The following ETV1 variants were observed in gnomAD, a reference collection of about 807,000 sequenced individuals.
ETV1 encodes ETS translocation variant 1.
ETV1 carries 27 observed loss-of-function variants against 62.3 expected under a neutral mutation model. That is an observed-to-expected ratio of 0.43 (90% CI 0.32 to 0.60). ETV1 has a LOEUF of 0.60. Among genes scored for constraint, ETV1 ranks in the 20% least tolerant of loss-of-function variants. The probability of loss-of-function intolerance (pLI) is 0.06; values close to 1 mark genes in which losing one functional copy is unlikely to be tolerated. For missense variants in ETV1, 605 were observed against 605.8 expected (o/e 1.00, Z 0.01); for synonymous variants, 222 against 199.6 (o/e 1.11, Z -0.94).
At chr7:13,922,421 T>C (rs1215580043) in intron 9 of ETV1, among the ~76,000 whole-genome samples, 2 of 152,164 alleles carry the variant, frequency 1.3e-5, no homozygotes, top group Non-Finnish European at 2.9e-5. Context: ...GATAAAATAA[T>C]GTCTTCAATG....
intron 6 of ETV1, among the ~76,000 whole-genome samples, chr7:13,971,126 C>T (rs191236254): frequency 6.0e-4 from 91 of 152,190 alleles, no homozygotes; most frequent in African/African-American, 2.0e-3. Context: ...CATGCGACAC[C>T]ACACCCAGAT....
chr7:13,982,560 C>T (rs1562716704), intron 5 of ETV1, among the ~76,000 whole-genome samples: 1 of 151,830 alleles, frequency 6.6e-6, no homozygotes, highest in Non-Finnish European at 1.5e-5. Flanking sequence ...AATGGGAAGT[C>T]TTTCTCTCAT....
At chr7:13,937,187 C>T (rs1424640439) in intron 7 of ETV1, among the ~76,000 whole-genome samples, 1 of 152,194 alleles carries the variant, frequency 6.6e-6, no homozygotes, top group African/African-American at 2.4e-5. Flanking sequence ...CTGCAAAAAT[C>T]TTTTACAAGG....
intron 3 of ETV1, 194 bp downstream of exon 3, chr7:13,988,814 C>G (rs767863370): frequency 3.1e-6 from 5 of 1,604,288 alleles, no homozygotes; most frequent in African/African-American, 1.3e-5. Context: ...AAAACTATGC[C>G]TTATCCAAAT....
intron 9 of ETV1, among the ~76,000 whole-genome samples, chr7:13,920,458 G>GTC (rs1220771705): frequency 1.3e-5 from 2 of 151,936 alleles, no homozygotes; most frequent in Non-Finnish European, 2.9e-5. Context: ...GTGTGTGTGT[G>GTC]TGTGTGTGTG....
chr7:13,988,465 C>T (rs1782748946), intron 3 of ETV1: 1 of 596,194 alleles, frequency 1.7e-6, no homozygotes, highest in Non-Finnish European at 2.9e-6. Context: ...CAACCTGAAG[C>T]ATTTACACTT....
intron 6 of ETV1, among the ~76,000 whole-genome samples, chr7:13,960,546 A>C (rs1040460050): frequency 6.6e-6 from 1 of 152,136 alleles, no homozygotes; most frequent in Non-Finnish European, 1.5e-5. Context: ...TATAAAACTT[A>C]GATTTAAACC....
chr7:13,965,162 T>A (rs1224800063), intron 6 of ETV1, among the ~76,000 whole-genome samples: 4 of 152,188 alleles, frequency 2.6e-5, no homozygotes. Context: ...AAACAACGCA[T>A]AAATACACAG....
intron 9 of ETV1, among the ~76,000 whole-genome samples, chr7:13,913,877 T>A (rs1234811652): frequency 1.7e-5 from 2 of 119,798 alleles, no homozygotes; most frequent in South Asian, 3.0e-4. Context: ...TGGGGGTACC[T>A]CTTTTTTTTT....
At chr7:13,907,907 T>C (rs1783139116) in intron 11 of ETV1, 1 of 463,000 alleles carries the variant, frequency 2.2e-6, no homozygotes, top group Non-Finnish European at 4.5e-6. Flanking sequence ...AATCATTATG[T>C]TGTTTTGGTC....
At chr7:13,919,387 A>T (rs1784560005) in intron 9 of ETV1, among the ~76,000 whole-genome samples, 1 of 152,106 alleles carries the variant, frequency 6.6e-6, no homozygotes, top group African/African-American at 2.4e-5. Flanking sequence ...CATACTAAAA[A>T]AAAAAATTAC....
intron 5 of ETV1, among the ~76,000 whole-genome samples, chr7:13,979,977 A>C (rs148872578): frequency 6.6e-6 from 1 of 152,286 alleles, no homozygotes; most frequent in Non-Finnish European, 1.5e-5. Context: ...GGAGTAGAAT[A>C]ATCTAGAAGT....
intron 6 of ETV1, chr7:13,958,938 T>C (rs1419903610): frequency 6.6e-6 from 1 of 152,116 alleles, no homozygotes; most frequent in Admixed American, 6.5e-5. Context: ...CAGGTTCCTG[T>C]CATTTCTAAT....
chr7:13,933,022 G>C (rs963940444), intron 8 of ETV1, among the ~76,000 whole-genome samples: 24 of 152,178 alleles, frequency 1.6e-4, no homozygotes, highest in Admixed American at 6.5e-4. Flanking sequence ...TTGCAGAGCA[G>C]TTAGGCTGAC....
chr7:13,920,441 AGTGTGTGT>A (rs4027263), intron 9 of ETV1, among the ~76,000 whole-genome samples: 3 of 148,430 alleles, frequency 2.0e-5, no homozygotes, highest in East Asian at 4.0e-4. Context: ...AGAGTGAGTG[AGTGTGTGT>A]GTGTGTGTGT....
chr7:13,897,841 T>G (rs928420133), intron 13 of ETV1, among the ~76,000 whole-genome samples: 2 of 152,200 alleles, frequency 1.3e-5, no homozygotes, highest in Non-Finnish European at 2.9e-5. Context: ...ATAAAATAAA[T>G]GGCCTGCATA....
chr7:13,984,529 A>G (rs1236949560), intron 5 of ETV1, among the ~76,000 whole-genome samples: 1 of 152,012 alleles, frequency 6.6e-6, no homozygotes, highest in East Asian at 1.9e-4. Flanking sequence ...TTTTCTCACT[A>G]TTAGGTTTTA....
rs570926921 is a variant in ETV1, at chr7:13,949,656, T to A, written c.236-10410A>T. On this transcript the variant is annotated intron_variant, in intron 6 of 13. Transcript: ENST00000430479. ...CAGCAGAGTGCCTTTATGGGGCCAT[T>A]AAACCATTTCTCTTGTTTACAGTGC... Among the ~76,000 whole-genome samples, 192 of 152,292 alleles carry A rather than the reference T, an allele frequency of 1.3e-3. 1 individual carries two copies. Among genetic ancestry groups the A allele is most frequent in the South Asian group, 2.1e-3 (10 of 4,816 alleles).
At chr7:13,931,114 C>T (rs6961762) in intron 9 of ETV1, among the ~76,000 whole-genome samples, 138,661 of 152,212 alleles carry the variant, frequency 0.91, 63,286 homozygotes, top group East Asian at 1. Flanking sequence ...TTATAAGCAA[C>T]ATGTGACCTA....
Sources: gnomAD v4.1 joint callset for allele counts (sites outside exome capture counted in the v4.1 genomes callset) on GRCh38, gnomAD v4.1.1 for gene constraint, MANE v1.5 for transcripts, NCBI Gene and HGNC (gene_info 2026-07-23, HGNC 2026-07-21) for gene names.